The following LRBA variants were observed in gnomAD, a reference collection of about 807,000 sequenced individuals.
LRBA encodes lipopolysaccharide-responsive and beige-like anchor protein.
Under a neutral mutation model 330.0 loss-of-function variants are expected in LRBA, and 176 were observed. The ratio of observed to expected loss-of-function variants is 0.53; its 90% CI spans 0.47 to 0.60. The LOEUF (loss-of-function observed/expected upper bound fraction) is 0.60. Among genes scored for constraint, LRBA ranks in the 20% least tolerant of loss-of-function variants. The pLI, the probability that LRBA is intolerant of heterozygous loss-of-function variation, is 0.00. For missense variants in LRBA, 3,259 were observed against 3,444.8 expected, an observed-to-expected ratio of 0.95 and a Z score of 1.35; for synonymous variants, 1,230 against 1,193.0, an observed-to-expected ratio of 1.03 and a Z score of -0.64.
intron 48 of LRBA, among the ~76,000 whole-genome samples, chr4:150,343,594 TC>T: frequency 6.6e-6 from 1 of 152,278 alleles, no homozygotes; most frequent in Middle Eastern, 3.4e-3. Context: ...TCACGTTTCA[TC>T]TTTTCTACAA....
chr4:150,931,420 T>G (rs1734490802), intron 2 of LRBA, among the ~76,000 whole-genome samples: 1 of 150,620 alleles, frequency 6.6e-6, no homozygotes, highest in South Asian at 2.1e-4. Context: ...ATTTATATAT[T>G]ATTATATGAT....
rs200390698 is a variant in LRBA at position 150,601,694 on chromosome 4, AT to A, written c.5922-2564del. ...TACTGTCTTCAAATATATTCTATCA[AT>A]TTTTTTTTCTTTTTGAGTTGGAGTC... On this transcript the variant is annotated intron_variant, in intron 37 of 56. Coordinates refer to ENST00000651943, the MANE Select transcript of LRBA (RefSeq NM_001364905.1). 4.7e-3 allele frequency among the ~76,000 whole-genome samples: 712 copies of A among 151,116 alleles called. 7 individuals are homozygous for A. Among genetic ancestry groups the A allele is most frequent in the African/African-American group, 0.016 (668 of 41,218 alleles).
intron 4 of LRBA, among the ~76,000 whole-genome samples, chr4:150,924,385 T>G (rs1733650890): frequency 6.6e-6 from 1 of 152,050 alleles, no homozygotes; most frequent in Non-Finnish European, 1.5e-5. Context: ...TGGTGGCAAG[T>G]GCCTGTGGTC....
chr4:150,839,440 A>G, intron 28 of LRBA, among the ~76,000 whole-genome samples: 1 of 152,208 alleles, frequency 6.6e-6, no homozygotes, highest in East Asian at 1.9e-4. Context: ...ATGCACACGT[A>G]TGTTCACTGC....
chr4:150,985,374 CTATTT>C (rs1236971619), intron 2 of LRBA, among the ~76,000 whole-genome samples: 4 of 151,360 alleles, frequency 2.6e-5, no homozygotes, highest in Non-Finnish European at 5.9e-5. Flanking sequence ...ATCAAAATAA[CTATTT>C]TATGTTAGTT....
chr4:150,750,552 A>C (rs1300422293), intron 35 of LRBA, among the ~76,000 whole-genome samples: 1 of 152,048 alleles, frequency 6.6e-6, no homozygotes, highest in Non-Finnish European at 1.5e-5. Flanking sequence ...CTGGTCTCAG[A>C]AATCCTGGCC....
chr4:150,823,854 T>C (rs928393866), intron 30 of LRBA, among the ~76,000 whole-genome samples: 2 of 152,130 alleles, frequency 1.3e-5, no homozygotes, highest in East Asian at 1.9e-4. Flanking sequence ...TTGGTTACCA[T>C]AGCTCTGTAG....
At chr4:150,909,198 G>A (rs1164180142) in intron 9 of LRBA, among the ~76,000 whole-genome samples, 2 of 152,024 alleles carry the variant, frequency 1.3e-5, no homozygotes, top group Non-Finnish European at 2.9e-5. Context: ...AACATTAACT[G>A]TATTCATATT....
intron 44 of LRBA, among the ~76,000 whole-genome samples, chr4:150,465,615 ATGT>A (rs926275437): frequency 6.6e-6 from 1 of 152,122 alleles, no homozygotes; most frequent in Non-Finnish European, 1.5e-5. Context: ...ATAATTAGTG[ATGT>A]TCATTTTCAT....
At chr4:150,744,087 C>T (rs1732375850) in intron 35 of LRBA, among the ~76,000 whole-genome samples, 1 of 152,024 alleles carries the variant, frequency 6.6e-6, no homozygotes, top group South Asian at 2.1e-4. Flanking sequence ...TGCTATTAAA[C>T]AGTACTCATT....
At chr4:150,860,834 T>C (rs935502939) in intron 22 of LRBA, among the ~76,000 whole-genome samples, 12 of 151,712 alleles carry the variant, frequency 7.9e-5, no homozygotes, top group African/African-American at 2.7e-4. Context: ...AAAAGAAATA[T>C]ATAAACTAAA....
At chr4:150,785,893 T>C (rs1738987079) in intron 34 of LRBA, among the ~76,000 whole-genome samples, 1 of 152,228 alleles carries the variant, frequency 6.6e-6, no homozygotes, top group Non-Finnish European at 1.5e-5. Flanking sequence ...TCAGTGTTAC[T>C]TGTATTTTGG....
intron 12 of LRBA, 150 bp from the exon 13 acceptor site, chr4:150,906,140 A>C: frequency 2.5e-6 from 2 of 815,968 alleles, no homozygotes; most frequent in Non-Finnish European, 4.0e-6. Flanking sequence ...TTGATAGAGG[A>C]ATGGAGGCAA....
At chr4:150,319,448 A>G (rs1732185146) in intron 50 of LRBA, among the ~76,000 whole-genome samples, 1 of 152,140 alleles carries the variant, frequency 6.6e-6, no homozygotes, top group Non-Finnish European at 1.5e-5. Context: ...AGAACATATC[A>G]CCAGCATGTT....
intron 42 of LRBA, among the ~76,000 whole-genome samples, chr4:150,475,411 G>A (rs1411309789): frequency 1.3e-5 from 2 of 152,062 alleles, no homozygotes; most frequent in Non-Finnish European, 2.9e-5. Flanking sequence ...CTGGGTCTGG[G>A]CTTTTCTTTA....
chr4:150,474,793 T>C (rs1328911907), intron 42 of LRBA, among the ~76,000 whole-genome samples: 2 of 152,160 alleles, frequency 1.3e-5, no homozygotes, highest in East Asian at 1.9e-4. Flanking sequence ...TTCTTCCTTA[T>C]TGCACAAACT....
At position 150,583,529 on chromosome 4, in the gene LRBA, T is replaced by C; in HGVS notation, c.6330+4519A>G. 2 of 1,614,020 alleles carry C rather than the reference T, an allele frequency of 1.2e-6. No homozygotes were observed. Among genetic ancestry groups the C allele is most frequent in the Non-Finnish European group, 1.7e-6 (2 of 1,180,030 alleles). On this transcript the variant is annotated intron_variant, in intron 40 of 56. Transcript: ENST00000651943. The surrounding 1 kb of genome is among the most constrained non-coding windows in gnomAD (Gnocchi z 9.8). ...AAGTTGCGCATCAGGGAGCGCTATG[T>C]GGTGCAAATCACTCCGGCGTTCAAG...
At position 150,964,093 on chromosome 4, in the gene LRBA, G is replaced by A. The variant is rs976047336; in HGVS notation, c.217-35028C>T. Among the ~76,000 whole-genome samples, 25 of 147,528 alleles carry A rather than the reference G, an allele frequency of 1.7e-4. 2 individuals are homozygous for A. Among genetic ancestry groups the A allele is most frequent in the African/African-American group, 2.7e-4 (10 of 37,712 alleles). ...CCTCCCCGTCCGGGAAGTGAGGAGC[G>A]TCTCCGCCCGGCAGCCGCCCCGTCC... On this transcript the variant is annotated intron_variant, in intron 2 of 56. Coordinates refer to ENST00000651943, the MANE Select transcript of LRBA (RefSeq NM_001364905.1).
chr4:150,838,614 G>C (rs1486229336), intron 28 of LRBA, among the ~76,000 whole-genome samples: 2 of 152,174 alleles, frequency 1.3e-5, no homozygotes, highest in Non-Finnish European at 1.5e-5. Flanking sequence ...TTGTCACGTA[G>C]TACTTGTGCC....
Sources: allele counts gnomAD v4.1 joint callset (sites outside exome capture counted in the v4.1 genomes callset), GRCh38; gene constraint gnomAD v4.1.1; non-coding constraint Gnocchi (gnomAD v3.1); transcripts MANE v1.5; gene names NCBI Gene and HGNC (gene_info 2026-07-23, HGNC 2026-07-21).